Variants in TMEM163 observed in about 807,000 individuals in gnomAD.
TMEM163 encodes the protein transmembrane protein 163.
TMEM163 carries 17 observed loss-of-function variants against 29.3 expected under a neutral mutation model. That is an observed-to-expected ratio of 0.58 (90% confidence interval 0.40 to 0.87). The LOEUF (loss-of-function observed/expected upper bound fraction) is 0.87. Among genes scored for constraint, TMEM163 ranks in the 40% least tolerant of loss-of-function variants. The pLI, the probability that TMEM163 is intolerant of heterozygous loss-of-function variation, is 0.00. For missense variants in TMEM163, 303 were observed against 381.5 expected, an observed-to-expected ratio of 0.79 and a Z score of 1.71; for synonymous variants, 157 against 160.6, an observed-to-expected ratio of 0.98 and a Z score of 0.17.
At chr2:134,468,402 G>C (rs116785524) in intron 5 of TMEM163, 5,471 of 152,396 alleles carry the variant, frequency 0.036, 163 homozygotes, top group South Asian at 0.13. Flanking sequence ...CCAGCCTCCA[G>C]AACTGTGAGA....
At chr2:134,523,870 G>A (rs1306230785) in intron 4 of TMEM163, among the ~76,000 whole-genome samples, 15 of 152,176 alleles carry the variant, frequency 9.9e-5, no homozygotes, top group Admixed American at 9.8e-4. Context: ...GGGATACTTG[G>A]CACTTTCTGT....
At chr2:134,647,535 G>T (rs1683360741) in intron 2 of TMEM163, among the ~76,000 whole-genome samples, 1 of 152,128 alleles carries the variant, frequency 6.6e-6, no homozygotes. Context: ...AAGTAATAAG[G>T]CTCAATATAA....
intron 5 of TMEM163, among the ~76,000 whole-genome samples, chr2:134,500,758 T>C (rs955288145): frequency 6.6e-6 from 1 of 152,138 alleles, no homozygotes; most frequent in African/African-American, 2.4e-5. Flanking sequence ...TTCACTCATG[T>C]GCGAATTAGA....
chr2:134,455,861 A>G lies in TMEM163; in HGVS notation c.*855T>C, dbSNP rs924299985. On this transcript the variant is annotated 3_prime_UTR_variant, in exon 8 of 8. Coordinates refer to ENST00000281924, the MANE Select transcript of TMEM163 (RefSeq NM_030923.5). ...CGGTGCGGGTTGGGGAACACTCTAC[A>G]GAATCTAAACCTACCGTGACATCAG... 6 of 152,586 alleles carry G rather than the reference A, an allele frequency of 3.9e-5. No individual in the cohort carries two copies. The highest frequency in any genetic ancestry group is 1.3e-4 in the Admixed American group (2 of 15,286). The allele number at this position is 152,586 out of a possible 1,614,324, so 9.5% of individuals were successfully genotyped here.
At chr2:134,672,992 C>T (rs112650241) in intron 2 of TMEM163, among the ~76,000 whole-genome samples, 160 of 152,214 alleles carry the variant, frequency 1.1e-3, no homozygotes, top group African/African-American at 3.5e-3. Flanking sequence ...TTTTCCAAGG[C>T]GCAACTTTAA....
chr2:134,575,614 C>T (rs566274362), intron 2 of TMEM163, among the ~76,000 whole-genome samples: 4 of 152,272 alleles, frequency 2.6e-5, no homozygotes, highest in Non-Finnish European at 5.9e-5. Flanking sequence ...GGAGTGAATG[C>T]CCAGCACCCT....
At chr2:134,671,020 C>T (rs924007981) in intron 2 of TMEM163, among the ~76,000 whole-genome samples, 6 of 152,322 alleles carry the variant, frequency 3.9e-5, no homozygotes, top group African/African-American at 1.2e-4. Context: ...GCCCTCTGCA[C>T]CCCAGGTTGC....
chr2:134,474,744 T>C (rs1266667063), intron 5 of TMEM163, among the ~76,000 whole-genome samples: 2 of 152,266 alleles, frequency 1.3e-5, no homozygotes, highest in Non-Finnish European at 2.9e-5. Context: ...ATGGAGTTTT[T>C]GGAAATACTA....
At position 134,585,603 on chromosome 2, in the gene TMEM163, G is replaced by A. The variant is rs577011599; in HGVS notation, c.323-33512C>T. The stretch of plus-strand genomic sequence containing the variant: ...TAAAAATACAAAAAATTAGCCGGGC[G>A]CGGTGGCGGGCACCTGTAGTCCCAG... On this transcript the variant is annotated intron_variant, in intron 2 of 7. Coordinates refer to ENST00000281924, the MANE Select transcript of TMEM163 (RefSeq NM_030923.5). Among the ~76,000 whole-genome samples the A allele has an allele frequency of 3.3e-3, 497 of 152,190 alleles. 3 individuals carry two copies. The highest frequency in any genetic ancestry group is 0.011 in the African/African-American group (465 of 41,522).
At chr2:134,699,839 T>C (rs1211504629) in intron 2 of TMEM163, among the ~76,000 whole-genome samples, 3 of 152,318 alleles carry the variant, frequency 2.0e-5, no homozygotes, top group South Asian at 2.1e-4. Flanking sequence ...TTCTGGGTGG[T>C]TGGAACTTTT....
chr2:134,511,612 C>T (rs1169951444), intron 4 of TMEM163, among the ~76,000 whole-genome samples: 2 of 152,204 alleles, frequency 1.3e-5, no homozygotes, highest in Admixed American at 6.5e-5. Context: ...GCAGGGAACA[C>T]GGGTCCTACA....
chr2:134,507,685 A>AC (rs1453684969), intron 4 of TMEM163, among the ~76,000 whole-genome samples: 1 of 151,408 alleles, frequency 6.6e-6, no homozygotes, highest in Non-Finnish European at 1.5e-5. Flanking sequence ...CAACACAGAG[A>AC]CCCCACCTCC....
At chr2:134,458,272 G>A in intron 6 of TMEM163, 99 bp from the exon 7 acceptor site, 1 of 1,452,224 alleles carries the variant, frequency 6.9e-7, no homozygotes. Flanking sequence ...AGCATGTGCT[G>A]GGAGGAATGA....
intron 2 of TMEM163, among the ~76,000 whole-genome samples, chr2:134,662,233 C>T (rs530604331): frequency 2.8e-4 from 42 of 152,264 alleles, no homozygotes; most frequent in African/African-American, 1.0e-3. Context: ...CTGCACCTGG[C>T]CTGATTCATT....
chr2:134,622,981 CA>C, intron 2 of TMEM163, among the ~76,000 whole-genome samples: 1 of 152,068 alleles, frequency 6.6e-6, no homozygotes, highest in South Asian at 2.1e-4. Context: ...CACTTCTTAC[CA>C]TAGGAAGATA....
chr2:134,505,999 T>TCAAC (rs1389430114), intron 4 of TMEM163, among the ~76,000 whole-genome samples: 1 of 152,076 alleles, frequency 6.6e-6, no homozygotes, highest in East Asian at 1.9e-4. Flanking sequence ...TGAGGAGGCA[T>TCAAC]CAACCATTTA....
intron 2 of TMEM163, among the ~76,000 whole-genome samples, chr2:134,711,876 T>C (rs922284838): frequency 2.0e-5 from 3 of 152,212 alleles, no homozygotes; most frequent in African/African-American, 7.2e-5. Context: ...TGTTTGTAAA[T>C]CACCTCCCTT....
At chr2:134,556,588 G>C (rs1193112640) in intron 2 of TMEM163, among the ~76,000 whole-genome samples, 1 of 152,182 alleles carries the variant, frequency 6.6e-6, no homozygotes, top group Non-Finnish European at 1.5e-5. Context: ...GGGAGGCCAA[G>C]GCAGGAGCAT....
intron 2 of TMEM163, among the ~76,000 whole-genome samples, chr2:134,571,775 C>T (rs539145459): frequency 6.6e-6 from 1 of 152,306 alleles, no homozygotes; most frequent in South Asian, 2.1e-4. Flanking sequence ...GTTGGGACAA[C>T]AGGTGCAAAG....
Sources: allele counts gnomAD v4.1 joint callset (sites outside exome capture counted in the v4.1 genomes callset), GRCh38; gene constraint gnomAD v4.1.1; transcripts MANE v1.5; gene names NCBI Gene and HGNC (gene_info 2026-07-23, HGNC 2026-07-21).